Variants in DACH2 observed in about 807,000 individuals in gnomAD.
The protein encoded by DACH2 is dachshund family transcription factor 2, also known as dachshund homolog 2.
DACH2 carries 17 observed loss-of-function variants against 35.8 expected under a neutral mutation model. The ratio of observed to expected loss-of-function variants is 0.48; its 90% CI spans 0.33 to 0.71. The LOEUF is 0.71. DACH2 is among the 30% of genes least tolerant of loss of function. The pLI, the probability that DACH2 is intolerant of heterozygous loss-of-function variation, is 0.02. For missense variants in DACH2, 469 were observed against 472.7 expected, an observed-to-expected ratio of 0.99 and a Z score of 0.07; for synonymous variants, 195 against 177.3, an observed-to-expected ratio of 1.10 and a Z score of -0.79.
chrX:86,684,212 T>C (rs2040915569), intron 4 of DACH2, among the ~76,000 whole-genome samples: 1 of 112,027 alleles, frequency 8.9e-6, no homozygotes, highest in Non-Finnish European at 1.9e-5. Context: ...ACATGAATTC[T>C]GTTGTCTAGA....
chrX:86,662,448 A>T (rs1223991307), intron 4 of DACH2, among the ~76,000 whole-genome samples: 1 of 110,960 alleles, frequency 9.0e-6, no homozygotes, highest in Non-Finnish European at 1.9e-5. Flanking sequence ...AAATACAAAA[A>T]ATTAGCCGGG....
At chrX:86,514,226 C>T (rs763341832) in intron 2 of DACH2, 53 bp from the exon 3 acceptor site, 1 of 1,059,107 alleles carries the variant, frequency 9.4e-7, no homozygotes, top group Non-Finnish European at 1.3e-6. Flanking sequence ...TGATGGTTTT[C>T]TCAAAAAGAG....
chrX:86,165,294 G>A (rs2030906894), intron 1 of DACH2, among the ~76,000 whole-genome samples: 2 of 111,668 alleles, frequency 1.8e-5, no homozygotes, highest in Admixed American at 9.5e-5. Flanking sequence ...GAACAAGGGA[G>A]TGCAGGTATC....
chrX:86,302,222 G>A (rs2034589084), intron 1 of DACH2, among the ~76,000 whole-genome samples: 1 of 111,285 alleles, frequency 9.0e-6, no homozygotes, highest in Non-Finnish European at 1.9e-5. Context: ...GATCTCCTTA[G>A]TATCTAACTT....
intron 7 of DACH2, among the ~76,000 whole-genome samples, chrX:86,801,329 C>T (rs1473402830): frequency 9.1e-6 from 1 of 110,332 alleles, no homozygotes; most frequent in Non-Finnish European, 1.9e-5. Flanking sequence ...CTCCTGGGCT[C>T]AAGTGATCCT....
chrX:86,604,698 T>C, intron 3 of DACH2, among the ~76,000 whole-genome samples: 1 of 111,652 alleles, frequency 9.0e-6, no homozygotes, highest in Non-Finnish European at 1.9e-5. Flanking sequence ...ATAGGAAGAT[T>C]ATCTTGGATC....
At chrX:86,325,211 G>A (rs1298542887) in intron 1 of DACH2, among the ~76,000 whole-genome samples, 1 of 111,475 alleles carries the variant, frequency 9.0e-6, no homozygotes, top group Non-Finnish European at 1.9e-5. Flanking sequence ...ATGTTGCTGT[G>A]TGAATATCTG....
intron 3 of DACH2, among the ~76,000 whole-genome samples, chrX:86,631,269 G>A (rs1007221624): frequency 3.6e-5 from 4 of 111,911 alleles, no homozygotes; most frequent in African/African-American, 1.3e-4. Context: ...AGGATTCAGA[G>A]CCTAGGCATC....
At chrX:86,377,134 T>C (rs1436154793) in intron 2 of DACH2, among the ~76,000 whole-genome samples, 1 of 111,378 alleles carries the variant, frequency 9.0e-6, no homozygotes, top group East Asian at 2.9e-4. Context: ...TTGGTTGGGG[T>C]TGAGTGAACA....
intron 6 of DACH2, among the ~76,000 whole-genome samples, chrX:86,737,010 T>A (rs1188640495): frequency 1.8e-5 from 2 of 111,714 alleles, no homozygotes; most frequent in Non-Finnish European, 3.8e-5. Context: ...GCCACATATA[T>A]TAAATTCCTT....
At position 86,441,591 on chromosome X, in the gene DACH2, T is replaced by G. The variant is rs536030291; in HGVS notation, c.527+64729T>G. 7.3e-5 allele frequency among the ~76,000 whole-genome samples: 8 copies of G among 109,509 alleles called. No homozygotes were observed. In the South Asian group the frequency reaches 3.1e-3, roughly 43 times the overall value. On this transcript the variant is annotated intron_variant, in intron 2 of 11. Coordinates refer to ENST00000373125, the MANE Select transcript of DACH2 (RefSeq NM_053281.3). The stretch of plus-strand genomic sequence containing the variant: ...TTCCATGTCTTGACTATTGTGAATT[T>G]TGCTGTAATAAACATGGGAATGCAG...
At chrX:86,537,479 A>G (rs1466912780) in intron 3 of DACH2, among the ~76,000 whole-genome samples, 1 of 110,999 alleles carries the variant, frequency 9.0e-6, no homozygotes, top group African/African-American at 3.3e-5. Context: ...TCTGGGCCAC[A>G]CCCTTGTTTT....
At chrX:86,411,036 A>ATATATG (rs768655432) in intron 2 of DACH2, among the ~76,000 whole-genome samples, 1 of 79,954 alleles carries the variant, frequency 1.3e-5, no homozygotes, top group Non-Finnish European at 2.5e-5. Context: ...ATATATATAT[A>ATATATG]TATGTATATA....
chrX:86,494,461 A>AT (rs2038138513), intron 2 of DACH2, among the ~76,000 whole-genome samples: 1 of 112,144 alleles, frequency 8.9e-6, no homozygotes, highest in Non-Finnish European at 1.9e-5. Context: ...ATTGAAATAC[A>AT]TTTAGGAAAA....
At chrX:86,455,253 G>A (rs774542247) in intron 2 of DACH2, among the ~76,000 whole-genome samples, 39 of 111,281 alleles carry the variant, frequency 3.5e-4, no homozygotes, top group South Asian at 7.6e-4. Context: ...CCAGTCAGCC[G>A]GAATGGGATC....
At chrX:86,483,084 C>T (rs1401850042) in intron 2 of DACH2, among the ~76,000 whole-genome samples, 2 of 104,500 alleles carry the variant, frequency 1.9e-5, no homozygotes, top group East Asian at 6.1e-4. Flanking sequence ...CACATGTATA[C>T]GTATGTAACT....
At chrX:86,694,466 T>C (rs994318734) in intron 4 of DACH2, among the ~76,000 whole-genome samples, 4 of 112,089 alleles carry the variant, frequency 3.6e-5, no homozygotes, top group African/African-American at 1.3e-4. Context: ...AGGATCAAGG[T>C]AAGTATAATT....
chrX:86,517,543 A>C (rs2038488779), intron 3 of DACH2, among the ~76,000 whole-genome samples: 1 of 108,182 alleles, frequency 9.2e-6, no homozygotes, highest in Non-Finnish European at 1.9e-5. Flanking sequence ...CAGCCTCCCG[A>C]GTAGCTGGGA....
intron 2 of DACH2, among the ~76,000 whole-genome samples, chrX:86,468,627 C>G (rs2037712201): frequency 8.9e-6 from 1 of 111,733 alleles, no homozygotes; most frequent in Admixed American, 9.6e-5. Flanking sequence ...GAATACCATT[C>G]TATATGCCGA....
Sources: gnomAD v4.1 joint callset for allele counts (sites outside exome capture counted in the v4.1 genomes callset) on GRCh38, gnomAD v4.1.1 for gene constraint, MANE v1.5 for transcripts, NCBI Gene and HGNC (gene_info 2026-07-23, HGNC 2026-07-21) for gene names.